Variants in PKIB observed in about 807,000 individuals in gnomAD.
PKIB encodes cAMP-dependent protein kinase inhibitor beta.
Under a neutral mutation model 4.5 loss-of-function variants are expected in PKIB, and 2 were observed. The ratio of observed to expected loss-of-function variants is 0.44; its 90% confidence interval spans 0.18 to 1.39. The LOEUF (loss-of-function observed/expected upper bound fraction) is 1.39. Ranked by LOEUF, PKIB falls within the 40% of genes most tolerant of loss-of-function variation. The pLI is 0.27. For missense variants in PKIB, 94 were observed against 92.6 expected (o/e 1.02, Z -0.06); for synonymous variants, 38 against 36.0 (o/e 1.06, Z -0.20).
chr6:122,601,322 A>G (rs899370551), intron 3 of PKIB, among the ~76,000 whole-genome samples: 3 of 152,170 alleles, frequency 2.0e-5, no homozygotes, highest in Admixed American at 2.0e-4. Context: ...CAAGGATATA[A>G]TATTAAAATG....
intron 3 of PKIB, among the ~76,000 whole-genome samples, chr6:122,695,601 G>A (rs1044305532): frequency 1.3e-5 from 2 of 152,012 alleles, no homozygotes; most frequent in Non-Finnish European, 2.9e-5. Context: ...AATGATTCAG[G>A]CATATTGTAG....
intron 2 of PKIB, among the ~76,000 whole-genome samples, chr6:122,499,607 T>C (rs1776165540): frequency 6.6e-6 from 1 of 152,158 alleles, no homozygotes; most frequent in African/African-American, 2.4e-5. Context: ...AACATCATAC[T>C]GAATGGACAA....
intron 4 of PKIB, among the ~76,000 whole-genome samples, chr6:122,720,277 C>G (rs1779686397): frequency 1.3e-5 from 2 of 151,704 alleles, no homozygotes; most frequent in African/African-American, 2.4e-5. Flanking sequence ...TGAGATTTGC[C>G]CAGTTCATAA....
intron 2 of PKIB, among the ~76,000 whole-genome samples, chr6:122,502,141 T>C (rs1490392984): frequency 6.6e-6 from 1 of 151,718 alleles, no homozygotes; most frequent in Non-Finnish European, 1.5e-5. Flanking sequence ...AATGTCTATA[T>C]CACTATCAGC....
At chr6:122,531,787 G>A (rs1777267196) in intron 2 of PKIB, among the ~76,000 whole-genome samples, 1 of 152,192 alleles carries the variant, frequency 6.6e-6, no homozygotes, top group Non-Finnish European at 1.5e-5. Context: ...ACTAGACTGT[G>A]AATTGCTTAA....
At chr6:122,475,961 A>G (rs1322795713) in intron 1 of PKIB, among the ~76,000 whole-genome samples, 1 of 152,192 alleles carries the variant, frequency 6.6e-6, no homozygotes, top group African/African-American at 2.4e-5. Flanking sequence ...ATCTCTGTAT[A>G]AACTTTATTT....
chr6:122,564,802 C>A (rs897589583), intron 2 of PKIB, among the ~76,000 whole-genome samples: 1 of 151,990 alleles, frequency 6.6e-6, no homozygotes, highest in African/African-American at 2.4e-5. Flanking sequence ...GGACCTACTT[C>A]CCATTGGTGA....
At position 122,564,296 on chromosome 6, in the gene PKIB, A is replaced by G. The variant is rs73549343; in HGVS notation, c.-247-21625A>G. ...ACTTGATCTGGAGCTAAAATTCACA[A>G]TGCAAGCTTCTGCAAGCTGTTCTGT... On this transcript the variant is annotated intron_variant, in intron 2 of 6. Transcript: ENST00000392491. Among the ~76,000 whole-genome samples, 441 of 152,200 alleles carry G rather than the reference A, an allele frequency of 2.9e-3. 4 individuals carry two copies. The highest frequency in any genetic ancestry group is 9.8e-3 in the African/African-American group (406 of 41,528).
chr6:122,684,904 T>C lies in PKIB; in HGVS notation c.-9+9760T>C, dbSNP rs1582809898. Among the ~76,000 whole-genome samples, 15 of 152,310 alleles carry C rather than the reference T, an allele frequency of 9.8e-5. 2 individuals are homozygous for C. In the South Asian group the frequency reaches 3.1e-3, roughly 32 times the overall value. On this transcript the variant is annotated intron_variant, in intron 3 of 4. Coordinates refer to ENST00000368452, the MANE Select transcript of PKIB (RefSeq NM_181795.3). ...TAAGAAAAATAAACTGGATAAGGTA[T>C]GCTTTGGTCAAGGTCAGATACACAT...
chr6:122,610,747 G>C (rs892545139), intron 1 of PKIB, among the ~76,000 whole-genome samples: 9 of 152,238 alleles, frequency 5.9e-5, no homozygotes, highest in Non-Finnish European at 1.2e-4. Flanking sequence ...CACAAGTCAG[G>C]GTACTTAGAG....
chr6:122,696,253 G>A (rs1227643780), intron 3 of PKIB, among the ~76,000 whole-genome samples: 1 of 152,176 alleles, frequency 6.6e-6, no homozygotes, highest in Non-Finnish European at 1.5e-5. Context: ...ACCGTAGAGT[G>A]GGAATTACTA....
At chr6:122,480,093 A>G (rs2114514784) in intron 2 of PKIB, 1 of 151,184 alleles carries the variant, frequency 6.6e-6, no homozygotes, top group African/African-American at 2.4e-5. Context: ...CCCAGGCTGG[A>G]GTACAGTGGT....
chr6:122,709,310 T>G (rs1779183896), intron 3 of PKIB, among the ~76,000 whole-genome samples: 1 of 152,152 alleles, frequency 6.6e-6, no homozygotes. Context: ...ACAAGAGGAC[T>G]AAGGGCAGTC....
chr6:122,562,882 T>C (rs1026030750), intron 2 of PKIB, among the ~76,000 whole-genome samples: 59 of 152,112 alleles, frequency 3.9e-4, no homozygotes, highest in African/African-American at 1.4e-3. Context: ...TTTTTTTTTT[T>C]ATTTCCTTGC....
intron 1 of PKIB, among the ~76,000 whole-genome samples, chr6:122,477,521 G>C (rs1462652181): frequency 6.6e-6 from 1 of 152,108 alleles, no homozygotes; most frequent in African/African-American, 2.4e-5. Context: ...TGCCAGATTT[G>C]ACTTTATTTT....
intron 2 of PKIB, among the ~76,000 whole-genome samples, chr6:122,542,432 G>A (rs997947450): frequency 9.2e-5 from 14 of 152,066 alleles, no homozygotes; most frequent in South Asian, 2.1e-4. Flanking sequence ...GTCTGTTGGA[G>A]TTTGCTAGAG....
At chr6:122,699,600 TC>T (rs1778716268) in intron 3 of PKIB, among the ~76,000 whole-genome samples, 1 of 152,164 alleles carries the variant, frequency 6.6e-6, no homozygotes, top group East Asian at 1.9e-4. Context: ...ACCCCTGCAC[TC>T]TATAGCTGTC....
intron 4 of PKIB, among the ~76,000 whole-genome samples, chr6:122,719,805 AT>A (rs1227140563): frequency 6.6e-6 from 1 of 151,964 alleles, no homozygotes; most frequent in African/African-American, 2.4e-5. Flanking sequence ...AATTAGCTTG[AT>A]TTAGCCACTC....
chr6:122,593,920 A>G (rs1356357342), intron 3 of PKIB, among the ~76,000 whole-genome samples: 1 of 152,132 alleles, frequency 6.6e-6, no homozygotes, highest in African/African-American at 2.4e-5. Flanking sequence ...CAGGATCAAT[A>G]CTTTGTATCC....
Sources: allele counts gnomAD v4.1 joint callset (sites outside exome capture counted in the v4.1 genomes callset), GRCh38; gene constraint gnomAD v4.1.1; transcripts MANE v1.5; gene names NCBI Gene and HGNC (gene_info 2026-07-23, HGNC 2026-07-21).